The following ACER3 variants were observed in gnomAD, a reference collection of about 807,000 sequenced individuals.
The protein encoded by ACER3 is alkCDase 3.
Under a neutral mutation model 48.9 loss-of-function variants are expected in ACER3, and 16 were observed. The observed-to-expected ratio is 0.33, with a 90% confidence interval of 0.22 to 0.50. The LOEUF (loss-of-function observed/expected upper bound fraction) is 0.50. Ranked by LOEUF, ACER3 falls within the 20% of genes least tolerant of loss-of-function variation. The pLI, the probability that ACER3 is intolerant of heterozygous loss-of-function variation, is 0.98. For missense variants in ACER3, 227 were observed against 326.0 expected, an observed-to-expected ratio of 0.70 and a Z score of 2.34; for synonymous variants, 109 against 107.8, an observed-to-expected ratio of 1.01 and a Z score of -0.07.
intron 2 of ACER3, among the ~76,000 whole-genome samples, chr11:76,946,564 C>T (rs1947479513): frequency 6.6e-6 from 1 of 152,202 alleles, no homozygotes; most frequent in Non-Finnish European, 1.5e-5. Flanking sequence ...TAGGGCAGGG[C>T]CCCTTCCAGG....
chr11:76,927,403 A>T (rs1442076219), intron 2 of ACER3, among the ~76,000 whole-genome samples: 1 of 152,174 alleles, frequency 6.6e-6, no homozygotes, highest in Non-Finnish European at 1.5e-5. Flanking sequence ...ATAAATAAAA[A>T]ATACCAAATG....
At chr11:76,879,275 C>G (rs749196042) in intron 1 of ACER3, among the ~76,000 whole-genome samples, 1 of 152,120 alleles carries the variant, frequency 6.6e-6, no homozygotes, top group Non-Finnish European at 1.5e-5. Context: ...AGGTCTATAT[C>G]CATCTCAGAT....
chr11:76,873,327 C>T (rs1392952190), intron 1 of ACER3, among the ~76,000 whole-genome samples: 3 of 152,152 alleles, frequency 2.0e-5, no homozygotes, highest in African/African-American at 7.2e-5. Context: ...AGTGTTATCT[C>T]TGTTTGTATG....
At chr11:76,866,861 G>A (rs766754551) in intron 1 of ACER3, among the ~76,000 whole-genome samples, 2 of 152,150 alleles carry the variant, frequency 1.3e-5, no homozygotes, top group Non-Finnish European at 2.9e-5. Context: ...GGAGTTTCAG[G>A]TGCTGTTGGT....
intron 9 of ACER3, among the ~76,000 whole-genome samples, chr11:77,017,224 A>C (rs7124939): frequency 0.056 from 8,567 of 152,226 alleles, 834 homozygotes; most frequent in African/African-American, 0.2. Flanking sequence ...AGATCACCAG[A>C]ATTGACAAAC....
At chr11:76,904,628 C>T (rs1217619860) in intron 1 of ACER3, among the ~76,000 whole-genome samples, 1 of 152,010 alleles carries the variant, frequency 6.6e-6, no homozygotes, top group Non-Finnish European at 1.5e-5. Flanking sequence ...TAAACCTCTT[C>T]AAATATTAAA....
chr11:76,876,843 T>C (rs1256977809), intron 1 of ACER3, among the ~76,000 whole-genome samples: 1 of 152,236 alleles, frequency 6.6e-6, no homozygotes, highest in Non-Finnish European at 1.5e-5. Flanking sequence ...TATTTACATA[T>C]ACATTAATAC....
At chr11:76,994,420 G>A (rs191026669) in intron 6 of ACER3, among the ~76,000 whole-genome samples, 2 of 151,916 alleles carry the variant, frequency 1.3e-5, no homozygotes, top group South Asian at 2.1e-4. Flanking sequence ...GTGAGCCACC[G>A]CACCTGGCCT....
intron 7 of ACER3, among the ~76,000 whole-genome samples, chr11:77,010,746 G>A (rs569809235): frequency 3.9e-5 from 6 of 152,256 alleles, no homozygotes; most frequent in Non-Finnish European, 8.8e-5. Flanking sequence ...TAAGTTGAGA[G>A]GCAGGAATAT....
In ACER3 at chr11:76,864,596, A is replaced by ATTTT. The variant is rs772026324; in HGVS notation, c.103+3535_103+3538dup. ...ACATAACTCATAATATGGAATGGGTATTTTTTTTTTTTTTTTTTTTTGAGG... is the reference window on the plus strand; with the variant it reads ...ACATAACTCATAATATGGAATGGGTATTTTTTTTTTTTTTTTTTTTTTTTTGAGG... On this transcript the variant is annotated intron_variant, in intron 1 of 10. Coordinates refer to ENST00000532485, the MANE Select transcript of ACER3 (RefSeq NM_018367.7). Among the ~76,000 whole-genome samples, 24 of 99,932 alleles carry ATTTT rather than the reference A, an allele frequency of 2.4e-4. 4 individuals carry two copies. Among genetic ancestry groups the ATTTT allele is most frequent in the African/African-American group, 5.0e-4 (15 of 29,714 alleles). 65.6% of individuals were successfully genotyped at this position (99,932 alleles called of 152,430 possible).
intron 1 of ACER3, chr11:76,868,395 G>C (rs201377507): frequency 5.3e-4 from 70 of 131,750 alleles, no homozygotes; most frequent in Middle Eastern, 2.6e-3. Flanking sequence ...CTCTCTCTGT[G>C]TGTGTGTGTG....
At chr11:76,976,075 C>T (rs897026377) in intron 3 of ACER3, among the ~76,000 whole-genome samples, 3 of 151,792 alleles carry the variant, frequency 2.0e-5, no homozygotes, top group African/African-American at 7.3e-5. Flanking sequence ...TTTGTAGAGA[C>T]AGGATATTAC....
At position 77,020,572 on chromosome 11, in the gene ACER3, G is replaced by C. The variant is rs1555024270; in HGVS notation, c.*245G>C. ...CTCCAGTTTATAAAGAAACAGAGAT[G>C]ATGTGTGTGTATGCCTCAAATGCAG... On this transcript the variant is annotated 3_prime_UTR_variant, in exon 11 of 11. Transcript: ENST00000532485. 1 of 479,742 alleles carries C rather than the reference G, an allele frequency of 2.1e-6. No homozygotes were observed. The allele number at this position is 479,742 out of a possible 1,614,324, so 29.7% of individuals were successfully genotyped here.
At chr11:76,948,470 C>G (rs1947542625) in intron 2 of ACER3, among the ~76,000 whole-genome samples, 3 of 152,092 alleles carry the variant, frequency 2.0e-5, no homozygotes, top group South Asian at 4.1e-4. Flanking sequence ...CTCTACTACC[C>G]CTCTAATATG....
Position 77,016,678 on chromosome 11 carries a change from C to T in ACER3, c.603C>T (p.Asn201=), listed in dbSNP as rs1555023403. Reference sequence around the variant, plus strand: ...TTTTCTCCCTCTCTCCACACAGGAACTTTCGAAAGAAGGTACCACCTATCA... The same window carrying T: ...TTTTCTCCCTCTCTCCACACAGGAATTTTCGAAAGAAGGTACCACCTATCA... The part of the protein sequence containing the change: ...IDNIFCESLR[N]FRKKVPPIIG... The change falls in exon 9 of 11, where the codon AAC becomes AAT. Residue 201 remains asparagine, a synonymous_variant. Transcript: ENST00000532485. The T allele has an allele frequency of 1.3e-6, 2 of 1,557,344 alleles. No homozygotes were observed. The highest frequency in any genetic ancestry group is 1.2e-5 in the South Asian group (1 of 83,506).
chr11:76,953,389 A>C (rs749527377), intron 2 of ACER3, among the ~76,000 whole-genome samples: 2 of 152,264 alleles, frequency 1.3e-5, no homozygotes, highest in East Asian at 3.9e-4. Flanking sequence ...ACTTGAGGTC[A>C]GGAGTTGAGA....
chr11:76,986,158 T>C (rs1948681970), intron 5 of ACER3, among the ~76,000 whole-genome samples: 1 of 152,204 alleles, frequency 6.6e-6, no homozygotes, highest in Admixed American at 6.5e-5. Context: ...TCAAGTAAAT[T>C]GCATTTTATA....
At chr11:76,969,244 GA>G (rs1948225851) in intron 3 of ACER3, among the ~76,000 whole-genome samples, 1 of 152,166 alleles carries the variant, frequency 6.6e-6, no homozygotes, top group South Asian at 2.1e-4. Flanking sequence ...ACCACAATGA[GA>G]TACCATCTCA....
chr11:76,927,660 C>CA (rs1251517143), intron 2 of ACER3, among the ~76,000 whole-genome samples: 2 of 151,588 alleles, frequency 1.3e-5, no homozygotes, highest in East Asian at 3.9e-4. Flanking sequence ...CACCCTGTGT[C>CA]CAAGTGTTCT....
Sources: gnomAD v4.1 joint callset for allele counts (sites outside exome capture counted in the v4.1 genomes callset) on GRCh38, gnomAD v4.1.1 for gene constraint, MANE v1.5 for transcripts, NCBI Gene and HGNC (gene_info 2026-07-23, HGNC 2026-07-21) for gene names.